GRB2: variants seen among roughly 807,000 people sequenced by gnomAD.
The protein encoded by GRB2 is growth factor receptor bound protein 2, also known as growth factor receptor-bound protein 2.
Under a neutral mutation model 27.4 loss-of-function variants are expected in GRB2, and 2 were observed. That is an observed-to-expected ratio of 0.07 (90% CI 0.03 to 0.23). The LOEUF (loss-of-function observed/expected upper bound fraction) is 0.23, where lower values mean the gene tolerates loss of function less well. Among genes scored for constraint, GRB2 ranks in the 10% least tolerant of loss-of-function variants. GRB2 has a pLI of 1.00. For missense variants in GRB2, 102 were observed against 282.4 expected (o/e 0.36, Z 4.58); for synonymous variants, 94 against 99.6 (o/e 0.94, Z 0.33).
At chr17:75,389,805 A>G (rs1465011534) in intron 2 of GRB2, among the ~76,000 whole-genome samples, 3 of 152,214 alleles carry the variant, frequency 2.0e-5, no homozygotes, top group Admixed American at 6.5e-5. Flanking sequence ...AGATCGCGCC[A>G]CTGCACTCCA....
chr17:75,402,190 G>A (rs911777821), intron 1 of GRB2, among the ~76,000 whole-genome samples: 2 of 152,124 alleles, frequency 1.3e-5, no homozygotes, highest in East Asian at 3.9e-4. Context: ...TACTGACTAT[G>A]GTACTGAGAG....
intron 2 of GRB2, among the ~76,000 whole-genome samples, chr17:75,356,613 C>T (rs1044748343): frequency 6.6e-6 from 1 of 152,156 alleles, no homozygotes. Flanking sequence ...GCAGCTTTCC[C>T]TGTGCATACC....
Position 75,350,523 on chromosome 17 carries a change from G to A in GRB2, c.79-17726C>T, listed in dbSNP as rs1014708026. On this transcript the variant is annotated intron_variant, in intron 2 of 5. Coordinates refer to ENST00000316804, the MANE Select transcript of GRB2 (RefSeq NM_002086.5). The stretch of plus-strand genomic sequence containing the variant: ...TTTATTTTTTTTGAGACGGAGTCTC[G>A]CTCTGTTGCACAGGCTGGAGTGCAG... 1.9e-4 allele frequency among the ~76,000 whole-genome samples: 29 copies of A among 152,156 alleles called. No homozygotes were observed. In the Middle Eastern group the frequency reaches 0.01, roughly 54 times the overall value.
chr17:75,331,996 C>T (rs1156502162), intron 3 of GRB2, among the ~76,000 whole-genome samples: 3 of 152,080 alleles, frequency 2.0e-5, no homozygotes, highest in South Asian at 2.1e-4. Context: ...CTAGTCTGAG[C>T]GTGGAAAGCC....
intron 3 of GRB2, among the ~76,000 whole-genome samples, chr17:75,332,282 T>G (rs1313419337): frequency 5.9e-5 from 9 of 152,182 alleles, no homozygotes; most frequent in Non-Finnish European, 1.0e-4. Context: ...TTGAGAACTA[T>G]TAGATGCCAA....
At chr17:75,327,375 G>A (rs1472843369) in intron 3 of GRB2, among the ~76,000 whole-genome samples, 7 of 147,630 alleles carry the variant, frequency 4.7e-5, no homozygotes, top group Non-Finnish European at 8.9e-5. Flanking sequence ...CACTACGCCC[G>A]GCCCTTTTTT....
intron 1 of GRB2, among the ~76,000 whole-genome samples, chr17:75,396,806 G>A (rs2079031675): frequency 6.6e-6 from 1 of 152,190 alleles, no homozygotes; most frequent in Admixed American, 6.5e-5. Flanking sequence ...ATAGGAAGCT[G>A]AAGAATATTT....
chr17:75,401,681 T>C (rs2079064854), intron 1 of GRB2, among the ~76,000 whole-genome samples: 1 of 152,204 alleles, frequency 6.6e-6, no homozygotes, highest in Non-Finnish European at 1.5e-5. Flanking sequence ...ACTGGAGAAG[T>C]AACTTATACT....
intron 2 of GRB2, among the ~76,000 whole-genome samples, chr17:75,341,442 T>A: frequency 1.5e-5 from 1 of 67,276 alleles, no homozygotes; most frequent in African/African-American, 4.4e-5. Flanking sequence ...ACAGAGTGAC[T>A]CCATTAAAAA....
At chr17:75,389,881 A>G (rs2078987866) in intron 2 of GRB2, among the ~76,000 whole-genome samples, 1 of 152,158 alleles carries the variant, frequency 6.6e-6, no homozygotes, top group Non-Finnish European at 1.5e-5. Flanking sequence ...AAATTTTAAA[A>G]GATCTTTTCC....
chr17:75,340,896 G>A (rs1598225973), intron 2 of GRB2, among the ~76,000 whole-genome samples: 1 of 152,122 alleles, frequency 6.6e-6, no homozygotes, highest in East Asian at 1.9e-4. Context: ...ACCAGCAAAG[G>A]TAGTTCAATA....
In GRB2 at chr17:75,320,368, T is replaced by C. The variant is rs759309822; in HGVS notation, c.654A>G (p.Ter218=). The C allele has an allele frequency of 3.1e-6, 5 of 1,613,186 alleles. No individual in the cohort carries two copies. The highest frequency in any genetic ancestry group is 4.5e-5 in the East Asian group (2 of 44,888). ...TCTTTAAATAATTGCTTCTTGACTCTTAGACGTTCCGGTTCACGGGGGTGA... is the reference window on the plus strand; with the variant it reads ...TCTTTAAATAATTGCTTCTTGACTCCTAGACGTTCCGGTTCACGGGGGTGA... The part of the protein sequence containing the change: ...NYVTPVNRNV[*] Residue 218 remains the stop codon, a stop_retained_variant, in exon 6 of 6, where the codon TAA becomes TAG. Transcript: ENST00000316804. This position sits in a 1 kb window ranked among gnomAD's most constrained non-coding sequence, Gnocchi z 4.3.
At chr17:75,397,072 GT>G (rs1298500691) in intron 1 of GRB2, among the ~76,000 whole-genome samples, 1 of 152,172 alleles carries the variant, frequency 6.6e-6, no homozygotes, top group Non-Finnish European at 1.5e-5. Flanking sequence ...TGAAAGTCGT[GT>G]TTTGAGTAAC....
At chr17:75,382,352 T>C (rs958754068) in intron 2 of GRB2, among the ~76,000 whole-genome samples, 1 of 152,202 alleles carries the variant, frequency 6.6e-6, no homozygotes, top group Admixed American at 6.5e-5. Context: ...AAAAAAACTT[T>C]CACTATGTTA....
In GRB2 at chr17:75,320,247, G is replaced by A. The variant is rs59083128; in HGVS notation, c.*121C>T. The A allele has an allele frequency of 1.1e-3, 981 of 855,724 alleles. 6 individuals carry two copies. The African/African-American group carries it at 0.013, about 12-fold the overall frequency. 53.0% of individuals were successfully genotyped at this position (855,724 alleles called of 1,614,324 possible). On this transcript the variant is annotated 3_prime_UTR_variant, in exon 6 of 6. Transcript: ENST00000316804. This position sits in a 1 kb window ranked among gnomAD's most constrained non-coding sequence, Gnocchi z 4.3. ...TCCAACCAAAGTGAGAGGGTCACAG[G>A]GTGACCCGGCCAGGTGTTCTGCACT...
intron 2 of GRB2, among the ~76,000 whole-genome samples, chr17:75,359,446 C>T (rs1365731604): frequency 6.6e-6 from 1 of 151,844 alleles, no homozygotes; most frequent in African/African-American, 2.4e-5. Flanking sequence ...TTCGAGGTTG[C>T]AGCGAGCTAT....
At chr17:75,401,451 CAAAAAAAA>C (rs71161209) in intron 1 of GRB2, among the ~76,000 whole-genome samples, 1 of 79,050 alleles carries the variant, frequency 1.3e-5, no homozygotes, top group Non-Finnish European at 2.3e-5. Flanking sequence ...GACTCCGTCT[CAAAAAAAA>C]AAAAAAAAAA....
rs1375287218 is a variant in GRB2 at position 75,319,249 on chromosome 17, C to T, written c.*1119G>A. On this transcript the variant is annotated 3_prime_UTR_variant, in exon 6 of 6. Coordinates refer to ENST00000316804, the MANE Select transcript of GRB2 (RefSeq NM_002086.5). ...CTGCCCGGAGGGAAAAATATTTACACAGAGTAGGAGACAAATTGGCTGAAA... is the reference window on the plus strand; with the variant it reads ...CTGCCCGGAGGGAAAAATATTTACATAGAGTAGGAGACAAATTGGCTGAAA... 1.3e-5 allele frequency: 2 copies of T among 151,182 alleles called. No individual in the cohort carries two copies. Among genetic ancestry groups the T allele is most frequent in the Non-Finnish European group, 1.5e-5 (1 of 67,904 alleles). 9.4% of individuals were successfully genotyped at this position (151,182 alleles called of 1,614,324 possible).
intron 2 of GRB2, among the ~76,000 whole-genome samples, chr17:75,369,284 C>G (rs1181634616): frequency 6.6e-6 from 1 of 152,138 alleles, no homozygotes; most frequent in Non-Finnish European, 1.5e-5. Flanking sequence ...CCTAGGAGTT[C>G]ACAATGCGAC....
Sources: gnomAD v4.1 joint callset for allele counts (sites outside exome capture counted in the v4.1 genomes callset) on GRCh38, gnomAD v4.1.1 for gene constraint, Gnocchi (gnomAD v3.1) non-coding constraint, MANE v1.5 for transcripts, NCBI Gene and HGNC (gene_info 2026-07-23, HGNC 2026-07-21) for gene names.